Variants in TG observed in about 807,000 individuals in gnomAD.
The protein encoded by TG is thyroglobulin.
Under a neutral mutation model 324.7 loss-of-function variants are expected in TG, and 270 were observed. The observed-to-expected ratio is 0.83, with a 90% CI of 0.75 to 0.92. The LOEUF (loss-of-function observed/expected upper bound fraction) is 0.92. TG is among the 40% of genes least tolerant of loss of function. The pLI is 0.00. For synonymous variants in TG, 1,401 were observed against 1,327.0 expected, an observed-to-expected ratio of 1.06 and a Z score of -1.21; for missense variants, 3,591 against 3,456.4, an observed-to-expected ratio of 1.04 and a Z score of -0.98.
At chr8:132,877,288 C>T (rs1471116562) in intron 5 of TG, among the ~76,000 whole-genome samples, 5 of 152,080 alleles carry the variant, frequency 3.3e-5, no homozygotes, top group African/African-American at 9.6e-5. Flanking sequence ...TACAGGCATG[C>T]GCCACCCCAC....
rs1325789053 is a variant in TG at position 132,897,814 on chromosome 8, G to A, written c.3139+28G>A. ...AAGGAGGGATAGGCACCTTCAGGTG[G>A]CCAAGTGACACCCCTTTTTTATTTT... On this transcript the variant is annotated intron_variant, in intron 12 of 47. Coordinates refer to ENST00000220616, the MANE Select transcript of TG (RefSeq NM_003235.5). 3 of 1,613,416 alleles carry A rather than the reference G, an allele frequency of 1.9e-6. No individual in the cohort carries two copies. The African/African-American group carries it at 4.0e-5, about 22-fold the overall frequency.
intron 23 of TG, among the ~76,000 whole-genome samples, chr8:132,931,954 C>T (rs763614091): frequency 4.0e-5 from 6 of 151,880 alleles, no homozygotes; most frequent in Non-Finnish European, 7.4e-5. Context: ...ATTAGCCAGG[C>T]GTGATGGTGC....
chr8:132,872,979 G>A, intron 4 of TG, 83 bp from the exon 5 acceptor site: 1 of 1,456,074 alleles, frequency 6.9e-7, no homozygotes, highest in South Asian at 1.2e-5. Flanking sequence ...CCATTGCTAA[G>A]GGACACGAGT....
At chr8:132,968,019 G>A (rs772952190) in intron 31 of TG, 49 bp downstream of exon 31, 1 of 1,600,874 alleles carries the variant, frequency 6.2e-7, no homozygotes, top group Non-Finnish European at 8.5e-7. Context: ...ATGTTCTGCT[G>A]GCTCTGTGGT....
At chr8:133,130,372 C>T (rs770124887) in intron 45 of TG, among the ~76,000 whole-genome samples, 1 of 152,182 alleles carries the variant, frequency 6.6e-6, no homozygotes, top group Non-Finnish European at 1.5e-5. Flanking sequence ...AAGAACTTTG[C>T]AGGTGTGACT....
intron 41 of TG, chr8:133,074,743 T>C: frequency 3.6e-6 from 2 of 551,076 alleles, no homozygotes; most frequent in Non-Finnish European, 4.6e-6. Context: ...GCCCCACCTG[T>C]TCTCAGGGAG....
chr8:133,022,012 G>T lies in TG; in HGVS notation c.6898G>T (p.Val2300Leu). Reference protein sequence around the residue: ...QNVAPNASVLVFFHNTMDREE... With the variant: ...QNVAPNASVLLFFHNTMDREE... Reference sequence around the variant, plus strand: ...ACAGGCCCCTAACGCGTCTGTGCTGGTGTTCTTCCACAACACCATGGACAG... The same window carrying T: ...ACAGGCCCCTAACGCGTCTGTGCTGTTGTTCTTCCACAACACCATGGACAG... The change falls in exon 40 of 48, where the codon GTG (valine) becomes TTG (leucine). Residue 2300 changes from valine (V) to leucine (L), a missense_variant. By Grantham distance (32) the Val-to-Leu change is conservative. Transcript: ENST00000220616. 16 of 1,614,134 alleles carry T rather than the reference G, an allele frequency of 9.9e-6. No individual in the cohort carries two copies. The highest frequency in any genetic ancestry group is 1.4e-5 in the Non-Finnish European group (16 of 1,180,024).
chr8:132,904,599 G>A (rs1164625015), intron 16 of TG, among the ~76,000 whole-genome samples: 2 of 152,150 alleles, frequency 1.3e-5, no homozygotes, highest in Admixed American at 6.5e-5. Flanking sequence ...TAAGGCTGTG[G>A]GAAAACAGGT....
At chr8:132,891,920 G>A (rs1265281708) in intron 10 of TG, among the ~76,000 whole-genome samples, 1 of 152,124 alleles carries the variant, frequency 6.6e-6, no homozygotes, top group African/African-American at 2.4e-5. Context: ...ATTTGGCGAG[G>A]GTGGATTTTG....
intron 41 of TG, among the ~76,000 whole-genome samples, chr8:133,060,915 C>G (rs1462719474): frequency 6.6e-6 from 1 of 152,228 alleles, no homozygotes; most frequent in Non-Finnish European, 1.5e-5. Flanking sequence ...TGCTAAATCT[C>G]TGGGTTGCTC....
chr8:132,893,889 G>C lies in TG; in HGVS notation c.2961G>C (p.Leu987=). 1 of 1,614,040 alleles carries C rather than the reference G, an allele frequency of 6.2e-7. No homozygotes were observed. The highest frequency in any genetic ancestry group is 8.5e-7 in the Non-Finnish European group (1 of 1,179,964). ...GGGAGGCTTTCGCGGAGCAGTTTCT[G>C]CGTGGGAGTGATTACGCCATTCGCC... is the stretch of plus-strand genomic sequence containing the variant. The part of the protein sequence containing the change: ...PPREAFAEQF[L]RGSDYAIRLA... Residue 987 remains leucine, a synonymous_variant, in exon 11 of 48, where the codon CTG becomes CTC. Transcript: ENST00000220616.
intron 41 of TG, among the ~76,000 whole-genome samples, chr8:133,034,356 G>T (rs1355167344): frequency 6.6e-6 from 1 of 152,090 alleles, no homozygotes; most frequent in Non-Finnish European, 1.5e-5. Context: ...TCATTGTGAG[G>T]TAAGTTCCTA....
rs142531857 is a variant in TG at position 133,131,575 on chromosome 8, C to G, written c.7863-237C>G. Among the ~76,000 whole-genome samples, 44 of 152,290 alleles carry G rather than the reference C, an allele frequency of 2.9e-4. 1 individual carries two copies. In the Middle Eastern group the frequency reaches 0.02, roughly 71 times the overall value. Reference sequence around the variant, plus strand: ...ATTATTTCCAGAGACTTCAGTGTTCCGTGTTGGTCTCACTTTAGCAACAGA... The same window carrying G: ...ATTATTTCCAGAGACTTCAGTGTTCGGTGTTGGTCTCACTTTAGCAACAGA... On this transcript the variant is annotated intron_variant, in intron 45 of 47. Transcript: ENST00000220616.
At position 132,971,830 on chromosome 8, in the gene TG, A is replaced by G. The variant is rs1439379802; in HGVS notation, c.6012A>G (p.Pro2004=). The G allele has an allele frequency of 3.1e-6, 5 of 1,613,840 alleles. 1 individual carries two copies. The highest frequency in any genetic ancestry group is 2.2e-5 in the South Asian group (2 of 91,078). ...GTGAACGACGGTGCGATGCGGACCC[A>G]TGCTGCACTGGCTTTGGATTTCTAA... ...FECERRCDAD[P]CCTGFGFLNV... Residue 2004 remains proline, a synonymous_variant, in exon 33 of 48, where the codon CCA becomes CCG. Coordinates refer to ENST00000220616, the MANE Select transcript of TG (RefSeq NM_003235.5).
rs564827052 is a variant in TG at position 133,089,236 on chromosome 8, A to G, written c.7240-5808A>G. ...AGCCACCATCCTGACATTCATTTCC[A>G]GTTCTCTTCTGTTCCGCATATGGTG... On this transcript the variant is annotated intron_variant, in intron 41 of 47. Coordinates refer to ENST00000220616, the MANE Select transcript of TG (RefSeq NM_003235.5). 3.3e-4 allele frequency among the ~76,000 whole-genome samples: 50 copies of G among 152,276 alleles called. 1 individual carries two copies. Among genetic ancestry groups the G allele is most frequent in the African/African-American group, 1.2e-3 (48 of 41,556 alleles).
intron 36 of TG, among the ~76,000 whole-genome samples, chr8:133,013,322 G>T (rs1834685574): frequency 6.6e-6 from 1 of 152,214 alleles, no homozygotes; most frequent in African/African-American, 2.4e-5. Flanking sequence ...AGGATAGATG[G>T]ATGGAAGGGT....
chr8:132,952,351 C>T (rs578245693), intron 27 of TG, among the ~76,000 whole-genome samples: 5 of 152,258 alleles, frequency 3.3e-5, no homozygotes, highest in African/African-American at 1.2e-4. Context: ...AGCTCTGTGA[C>T]CTTATTCAAG....
intron 10 of TG, among the ~76,000 whole-genome samples, chr8:132,893,061 T>C (rs1816485707): frequency 6.7e-6 from 1 of 148,802 alleles, no homozygotes; most frequent in South Asian, 2.1e-4. Context: ...TTGAGTGGTG[T>C]GTGTATGTGT....
Position 132,888,117 on chromosome 8 carries a change from A to C in TG, c.2310A>C (p.Arg770Ser). Reference protein sequence around the residue: ...IPQCSTDGQWRQVQCNGPPEQ... With the variant: ...IPQCSTDGQWSQVQCNGPPEQ... ...AGTGCAGCACCGATGGGCAGTGGAG[A>C]CAAGTGCAATGCAATGGGCCTCCTG... Residue 770 changes from arginine to serine, a missense_variant, in exon 10 of 48, where the codon AGA becomes AGC. Physicochemically the swap from Arg to Ser is moderately radical, Grantham distance 110. Transcript: ENST00000220616. The C allele has an allele frequency of 6.2e-7, 1 of 1,614,084 alleles. No individual in the cohort carries two copies. Among genetic ancestry groups the C allele is most frequent in the Non-Finnish European group, 8.5e-7 (1 of 1,179,996 alleles).
Sources: gnomAD v4.1 joint callset for allele counts (sites outside exome capture counted in the v4.1 genomes callset) on GRCh38, gnomAD v4.1.1 for gene constraint, MANE v1.5 for transcripts, NCBI Gene and HGNC (gene_info 2026-07-23, HGNC 2026-07-21) for gene names.